Variants in NAV3 observed in about 807,000 individuals in gnomAD.
The protein encoded by NAV3 is neuron navigator 3, also known as pore membrane and/or filament interacting like protein 1.
In NAV3, 87 loss-of-function variants were observed where a neutral mutation model predicts 244.7. The ratio of observed to expected loss-of-function variants is 0.36; its 90% confidence interval spans 0.30 to 0.42. The LOEUF (loss-of-function observed/expected upper bound fraction) is 0.42, where lower values mean the gene tolerates loss of function less well. NAV3 is among the 20% of genes least tolerant of loss of function. NAV3 has a pLI of 1.00. For synonymous variants in NAV3, 1,126 were observed against 1,042.2 expected (o/e 1.08, Z -1.55); for missense variants, 2,663 against 2,893.3 (o/e 0.92, Z 1.83).
intron 1 of NAV3, among the ~76,000 whole-genome samples, chr12:77,900,290 A>T (rs1167065970): frequency 6.6e-6 from 1 of 151,822 alleles, no homozygotes; most frequent in Non-Finnish European, 1.5e-5. Context: ...GTTAGCCAGG[A>T]TGGTCTCGAT....
intron 3 of NAV3, among the ~76,000 whole-genome samples, chr12:77,943,060 A>G (rs1163534987): frequency 6.6e-6 from 1 of 152,170 alleles, no homozygotes; most frequent in Non-Finnish European, 1.5e-5. Flanking sequence ...AGGCAAGCTT[A>G]TACTCAGTGA....
chr12:77,883,682 T>C (rs992132953), intron 1 of NAV3, among the ~76,000 whole-genome samples: 4 of 151,974 alleles, frequency 2.6e-5, no homozygotes, highest in African/African-American at 7.2e-5. Flanking sequence ...AGAGACAGAG[T>C]GAGGTGAGAA....
chr12:77,717,650 T>C (rs1435258520), intron 2 of NAV3, among the ~76,000 whole-genome samples: 3 of 152,112 alleles, frequency 2.0e-5, no homozygotes, highest in Non-Finnish European at 4.4e-5. Flanking sequence ...GTATTTTTAT[T>C]TTTATTTTTA....
At chr12:78,169,036 T>C (rs547269846) in intron 24 of NAV3, among the ~76,000 whole-genome samples, 170 bp downstream of exon 24, 2 of 151,868 alleles carry the variant, frequency 1.3e-5, no homozygotes, top group Admixed American at 6.6e-5. Flanking sequence ...ACTACGTTGG[T>C]ATTAATGTGA....
intron 1 of NAV3, among the ~76,000 whole-genome samples, chr12:77,844,689 G>A (rs919094405): frequency 2.7e-4 from 41 of 151,494 alleles, no homozygotes; most frequent in African/African-American, 6.6e-4. Context: ...ATATTTTTTC[G>A]TTGGGCAGAA....
At chr12:77,928,856 A>C (rs966981071) in intron 1 of NAV3, among the ~76,000 whole-genome samples, 1 of 152,348 alleles carries the variant, frequency 6.6e-6, no homozygotes, top group South Asian at 2.1e-4. Context: ...GAAAATATTA[A>C]TGTAATTTCA....
intron 9 of NAV3, among the ~76,000 whole-genome samples, chr12:78,026,861 A>C (rs886996400): frequency 1.3e-5 from 2 of 152,210 alleles, no homozygotes; most frequent in Non-Finnish European, 2.9e-5. Flanking sequence ...CTACGCTAAA[A>C]AAGGAACCTA....
Position 78,050,940 on chromosome 12 carries a change from G to A in NAV3, c.2309G>A (p.Arg770Gln), listed in dbSNP as rs759179498. ...GAGYPRSGTS[R>Q]FIHTDPSRFM... ...GGCTATCCTCGCAGTGGTACCAGTCGATTCATCCACACAGACCCCTCGAGG... is the reference window on the plus strand; with the variant it reads ...GGCTATCCTCGCAGTGGTACCAGTCAATTCATCCACACAGACCCCTCGAGG... The change falls in exon 11 of 40, where the codon CGA becomes CAA. Residue 770 changes from arginine (R) to glutamine (Q), a missense_variant. This residue lies in a region of NAV3 where 1,521 missense variants were observed against 1,497.0 expected (regional missense o/e 1.02). Coordinates refer to ENST00000397909, the MANE Select transcript of NAV3 (RefSeq NM_001024383.2). 5.0e-6 allele frequency: 8 copies of A among 1,613,840 alleles called. No homozygotes were observed. Among genetic ancestry groups the A allele is most frequent in the African/African-American group, 1.3e-5 (1 of 74,872 alleles).
At chr12:77,639,758 G>GAAGC (rs1872316963) in intron 2 of NAV3, among the ~76,000 whole-genome samples, 1 of 152,180 alleles carries the variant, frequency 6.6e-6, no homozygotes, top group African/African-American at 2.4e-5. Context: ...GGTGCCTGGA[G>GAAGC]AAGCACAAAG....
chr12:77,667,255 A>G (rs1016628477), intron 2 of NAV3, among the ~76,000 whole-genome samples: 2 of 152,136 alleles, frequency 1.3e-5, no homozygotes, highest in African/African-American at 4.8e-5. Flanking sequence ...AGGCGAGAGA[A>G]TCCACAGACC....
intron 2 of NAV3, among the ~76,000 whole-genome samples, chr12:77,799,905 TG>T (rs1871613515): frequency 6.6e-6 from 1 of 152,196 alleles, no homozygotes; most frequent in Non-Finnish European, 1.5e-5. Context: ...TTAGTTATAA[TG>T]CTACTGTAGT....
At chr12:77,749,240 A>G (rs545840705) in intron 2 of NAV3, among the ~76,000 whole-genome samples, 1 of 152,340 alleles carries the variant, frequency 6.6e-6, no homozygotes, top group South Asian at 2.1e-4. Flanking sequence ...GAGTCCAATG[A>G]ACAGAAAAAG....
intron 2 of NAV3, among the ~76,000 whole-genome samples, chr12:77,782,937 C>G (rs577715023): frequency 6.6e-6 from 1 of 152,198 alleles, no homozygotes; most frequent in African/African-American, 2.4e-5. Flanking sequence ...ATGTCACAGG[C>G]TGTGTTTACA....
chr12:77,675,238 CAG>C (rs1874153642), intron 2 of NAV3, among the ~76,000 whole-genome samples: 1 of 151,866 alleles, frequency 6.6e-6, no homozygotes, highest in Admixed American at 6.5e-5. Flanking sequence ...ACCAGAAAAA[CAG>C]AACTGTTAGG....
At chr12:77,917,751 T>C (rs1887296689) in intron 1 of NAV3, among the ~76,000 whole-genome samples, 1 of 152,044 alleles carries the variant, frequency 6.6e-6, no homozygotes, top group South Asian at 2.1e-4. Flanking sequence ...TTCTTATTCT[T>C]GCTGAAATCT....
At chr12:78,058,422 G>A (rs1313602074) in intron 11 of NAV3, among the ~76,000 whole-genome samples, 4 of 152,102 alleles carry the variant, frequency 2.6e-5, no homozygotes, top group East Asian at 3.9e-4. Context: ...AACTATCCCC[G>A]TTATTCAGTT....
chr12:77,918,940 A>G (rs1887437818), intron 1 of NAV3, among the ~76,000 whole-genome samples: 1 of 149,704 alleles, frequency 6.7e-6, no homozygotes, highest in Admixed American at 6.7e-5. Flanking sequence ...AGTCTATATC[A>G]TTATAGGAAG....
At chr12:78,207,405 G>A (rs1470200856) in intron 39 of NAV3, among the ~76,000 whole-genome samples, 1 of 152,190 alleles carries the variant, frequency 6.6e-6, no homozygotes, top group Non-Finnish European at 1.5e-5. Context: ...GTGATCAGGA[G>A]ATAACTACAG....
chr12:77,894,569 C>A lies in NAV3; in HGVS notation c.244-45750C>A, dbSNP rs899474877. Among the ~76,000 whole-genome samples, 25 of 1,996 alleles carry A rather than the reference C, an allele frequency of 0.013. No homozygotes were observed. In the Admixed American group the frequency reaches 0.21, roughly 17 times the overall value. The allele number at this position is 1,996 out of a possible 152,430, so 1.3% of individuals were successfully genotyped here. On this transcript the variant is annotated intron_variant, in intron 1 of 39. Transcript: ENST00000397909. ...ATCGAGATTTGATTACTTTAACCAACCCTCACTAGGCCACCAGCAAAATTA... is the reference window on the plus strand; with the variant it reads ...ATCGAGATTTGATTACTTTAACCAAACCTCACTAGGCCACCAGCAAAATTA...
Sources: gnomAD v4.1 joint callset for allele counts (sites outside exome capture counted in the v4.1 genomes callset) on GRCh38, gnomAD v4.1.1 for gene constraint, gnomAD v4.1.1 regional missense constraint, MANE v1.5 for transcripts, NCBI Gene and HGNC (gene_info 2026-07-23, HGNC 2026-07-21) for gene names.